Variants in ACTR3 observed in about 807,000 individuals in gnomAD.
The protein encoded by ACTR3 is actin related protein 3.
In ACTR3, 12 loss-of-function variants were observed where a neutral mutation model predicts 56.8. The ratio of observed to expected loss-of-function variants is 0.21; its 90% CI spans 0.14 to 0.34. ACTR3 has a LOEUF of 0.34. Ranked by LOEUF, ACTR3 falls within the 10% of genes least tolerant of loss-of-function variation. ACTR3 has a pLI of 1.00. For missense variants in ACTR3, 282 were observed against 512.5 expected, an observed-to-expected ratio of 0.55 and a Z score of 4.34; for synonymous variants, 162 against 167.4, an observed-to-expected ratio of 0.97 and a Z score of 0.25.
At chr2:113,945,539 C>T (rs965433828) in intron 8 of ACTR3, among the ~76,000 whole-genome samples, 2 of 152,118 alleles carry the variant, frequency 1.3e-5, no homozygotes, top group Admixed American at 1.3e-4. Flanking sequence ...TAGTATTATA[C>T]CTGAGACTGT....
chr2:113,951,503 C>G lies in ACTR3; in HGVS notation c.883C>G (p.Pro295Ala). ...GTTTGCTAATCCAGACTTTACACAA[C>G]CTATCTCAGAAGTTGTAGATGAAGT... The part of the protein sequence containing the change: ...PEFANPDFTQ[P>A]ISEVVDEVIQ... Residue 295 changes from proline to alanine, a missense_variant, in exon 9 of 12, where the codon CCT (proline) becomes GCT (alanine). Transcript: ENST00000263238. 1 of 1,612,224 alleles carries G rather than the reference C, an allele frequency of 6.2e-7. No individual in the cohort carries two copies. Among genetic ancestry groups the G allele is most frequent in the Non-Finnish European group, 8.5e-7 (1 of 1,178,522 alleles).
At chr2:113,899,039 A>G (rs1186777766) in intron 1 of ACTR3, among the ~76,000 whole-genome samples, 1 of 152,178 alleles carries the variant, frequency 6.6e-6, no homozygotes, top group Non-Finnish European at 1.5e-5. Flanking sequence ...CATTTTATAC[A>G]TACTTAAACC....
rs774987867 is a variant in ACTR3 at position 113,951,667 on chromosome 2, A to G, written c.952-53A>G. The G allele has an allele frequency of 5.0e-5, 74 of 1,478,916 alleles. 1 individual carries two copies. The highest frequency in any genetic ancestry group is 6.4e-5 in the Non-Finnish European group (70 of 1,090,042). 91.6% of individuals were successfully genotyped at this position (1,478,916 alleles called of 1,614,324 possible). On this transcript the variant is annotated intron_variant, in intron 9 of 11. Transcript: ENST00000263238. ...TAATAGCATTTCAGTACTATATATTATATCTTTAAACTTTTCTCTTTTTAA... is the reference window on the plus strand; with the variant it reads ...TAATAGCATTTCAGTACTATATATTGTATCTTTAAACTTTTCTCTTTTTAA...
chr2:113,938,340 C>T (rs184540969), intron 6 of ACTR3, among the ~76,000 whole-genome samples: 284 of 152,138 alleles, frequency 1.9e-3, no homozygotes, highest in African/African-American at 5.7e-3. Context: ...TGTGTTTTTC[C>T]GCTTCCTTGC....
At chr2:113,941,178 GTAGTAAAT>G (rs1679918333) in intron 7 of ACTR3, among the ~76,000 whole-genome samples, 1 of 152,040 alleles carries the variant, frequency 6.6e-6, no homozygotes, top group East Asian at 1.9e-4. Context: ...TACTTCCTAG[GTAGTAAAT>G]TAGTAAATGA....
At chr2:113,923,370 C>T (rs1679548305) in intron 3 of ACTR3, among the ~76,000 whole-genome samples, 2 of 152,028 alleles carry the variant, frequency 1.3e-5, no homozygotes, top group Non-Finnish European at 2.9e-5. Flanking sequence ...CGGAGCCTGG[C>T]TCTGTCGCCC....
chr2:113,937,099 A>G (rs1679842634), intron 6 of ACTR3, among the ~76,000 whole-genome samples: 1 of 152,140 alleles, frequency 6.6e-6, no homozygotes, highest in Admixed American at 6.5e-5. Flanking sequence ...GCAAAAAGTT[A>G]TCTTTAAAAG....
intron 3 of ACTR3, among the ~76,000 whole-genome samples, chr2:113,924,278 C>T (rs1283560343): frequency 3.3e-5 from 5 of 151,144 alleles, no homozygotes; most frequent in African/African-American, 7.3e-5. Context: ...GGTCTCACTA[C>T]GTTGCCTAGG....
At chr2:113,900,583 A>G (rs1443486423) in intron 1 of ACTR3, among the ~76,000 whole-genome samples, 1 of 152,216 alleles carries the variant, frequency 6.6e-6, no homozygotes, top group African/African-American at 2.4e-5. Context: ...ATGTTTACCA[A>G]ATACTTAGTG....
At position 113,906,105 on chromosome 2, in the gene ACTR3, C is replaced by G. The variant is rs112921455; in HGVS notation, c.45-7067C>G. 7.7e-3 allele frequency among the ~76,000 whole-genome samples: 1,171 copies of G among 152,314 alleles called. 8 individuals carry two copies. Among genetic ancestry groups the G allele is most frequent in the Non-Finnish European group, 0.012 (796 of 68,012 alleles). On this transcript the variant is annotated intron_variant, in intron 1 of 11. Coordinates refer to ENST00000263238, the MANE Select transcript of ACTR3 (RefSeq NM_005721.5). The stretch of plus-strand genomic sequence containing the variant: ...CCACAGCATTGCACCATTTTAAACT[C>G]TCACCAGCATTGCACAAGGGTTTCA...
intron 1 of ACTR3, among the ~76,000 whole-genome samples, chr2:113,895,094 C>G (rs527726542): frequency 4.0e-5 from 5 of 124,956 alleles, no homozygotes; most frequent in Non-Finnish European, 6.4e-5. Context: ...ATGTGAATGC[C>G]TAGACTATTT....
chr2:113,957,430 A>G lies in ACTR3; in HGVS notation c.1232A>G (p.Asn411Ser), dbSNP rs1680236373. ...ATTGGACCTAGCATTTGTCGTCACA[A>G]TCCAGTGTTTGGAGTCATGTCGTAA... is the stretch of plus-strand genomic sequence containing the variant. The part of the protein sequence containing the change: ...EEIGPSICRH[N>S]PVFGVMS Residue 411 changes from asparagine (N) to serine (S), a missense_variant, in exon 12 of 12, where the codon AAT (asparagine) becomes AGT (serine). Transcript: ENST00000263238. 4 of 1,613,222 alleles carry G rather than the reference A, an allele frequency of 2.5e-6. No homozygotes were observed. Among genetic ancestry groups the G allele is most frequent in the East Asian group, 2.2e-5 (1 of 44,850 alleles).
intron 3 of ACTR3, 55 bp from the exon 4 acceptor site, chr2:113,927,290 A>T: frequency 5.8e-6 from 7 of 1,201,664 alleles, no homozygotes; most frequent in Admixed American, 2.5e-5. Context: ...TTGTATTTTT[A>T]TTTGTTTTTT....
At chr2:113,893,822 T>A (rs1678954155) in intron 1 of ACTR3, among the ~76,000 whole-genome samples, 2 of 152,196 alleles carry the variant, frequency 1.3e-5, no homozygotes, top group African/African-American at 4.8e-5. Context: ...GTCAAAGTCT[T>A]GGATATATTC....
chr2:113,900,986 T>C (rs1679088625), intron 1 of ACTR3, among the ~76,000 whole-genome samples: 1 of 152,226 alleles, frequency 6.6e-6, no homozygotes, highest in South Asian at 2.1e-4. Flanking sequence ...CTTACTCTAC[T>C]TGACAAATTT....
At chr2:113,900,323 T>C (rs562365226) in intron 1 of ACTR3, among the ~76,000 whole-genome samples, 2 of 152,320 alleles carry the variant, frequency 1.3e-5, no homozygotes, top group South Asian at 4.1e-4. Flanking sequence ...AACACTAATT[T>C]ACTTTCTGTC....
intron 9 of ACTR3, 47 bp downstream of exon 9, chr2:113,951,618 T>G: frequency 6.5e-7 from 1 of 1,547,598 alleles, no homozygotes; most frequent in Non-Finnish European, 8.9e-7. Flanking sequence ...TAAAAAAACT[T>G]AAACACCTCT....
At chr2:113,895,781 A>G (rs924947222) in intron 1 of ACTR3, among the ~76,000 whole-genome samples, 21 of 152,218 alleles carry the variant, frequency 1.4e-4, no homozygotes, top group East Asian at 1.9e-4. Context: ...CTTAATAGCT[A>G]TATGACTTTA....
At chr2:113,910,852 G>A (rs1461476946) in intron 1 of ACTR3, among the ~76,000 whole-genome samples, 1 of 152,152 alleles carries the variant, frequency 6.6e-6, no homozygotes, top group Non-Finnish European at 1.5e-5. Flanking sequence ...GTATTGTTGG[G>A]TATAGCAGCT....
Sources: allele counts gnomAD v4.1 joint callset (sites outside exome capture counted in the v4.1 genomes callset), GRCh38; gene constraint gnomAD v4.1.1; transcripts MANE v1.5; gene names NCBI Gene and HGNC (gene_info 2026-07-23, HGNC 2026-07-21).